Variants in KCNQ5 observed in about 807,000 individuals in gnomAD.
The protein encoded by KCNQ5 is potassium voltage-gated channel subfamily Q member 5.
KCNQ5 carries 30 observed loss-of-function variants against 98.2 expected under a neutral mutation model. That is an observed-to-expected ratio of 0.31 (90% CI 0.23 to 0.41). The LOEUF (loss-of-function observed/expected upper bound fraction) is 0.41, where lower values mean the gene tolerates loss of function less well. Among genes scored for constraint, KCNQ5 ranks in the 10% least tolerant of loss-of-function variants. The pLI is 1.00. For synonymous variants in KCNQ5, 458 were observed against 449.4 expected (o/e 1.02, Z -0.24); for missense variants, 835 against 1,182.5 (o/e 0.71, Z 4.31).
intron 1 of KCNQ5, among the ~76,000 whole-genome samples, chr6:73,001,389 A>G (rs1007033706): frequency 1.3e-5 from 2 of 152,216 alleles, no homozygotes; most frequent in Non-Finnish European, 2.9e-5. Flanking sequence ...TTGAGTACCC[A>G]TTGTAGAAGG....
At chr6:72,921,139 AT>A (rs1316694996) in intron 1 of KCNQ5, among the ~76,000 whole-genome samples, 2 of 152,166 alleles carry the variant, frequency 1.3e-5, no homozygotes, top group Non-Finnish European at 2.9e-5. Context: ...CAAGTTCCAT[AT>A]TAAGATTGAT....
intron 1 of KCNQ5, among the ~76,000 whole-genome samples, chr6:72,920,202 G>A (rs2150216009): frequency 6.6e-6 from 1 of 152,212 alleles, no homozygotes; most frequent in East Asian, 1.9e-4. Flanking sequence ...GCTGAGGCAG[G>A]GGATTCACTT....
Position 72,706,724 on chromosome 6 carries a change from A to G in KCNQ5, c.398+84137A>G, listed in dbSNP as rs538663144. Among the ~76,000 whole-genome samples the G allele has an allele frequency of 5.3e-5, 8 of 152,274 alleles. No homozygotes were observed. In the East Asian group the frequency reaches 1.5e-3, roughly 29 times the overall value. On this transcript the variant is annotated intron_variant, in intron 1 of 13. Coordinates refer to ENST00000370398, the MANE Select transcript of KCNQ5 (RefSeq NM_019842.4). ...AAGGTGCCTTCTACATATCTGAATG[A>G]AAACAAAAGCATAATTTAACCGAAA...
intron 2 of KCNQ5, among the ~76,000 whole-genome samples, chr6:73,025,623 CAAAA>C (rs58607159): frequency 1.1e-3 from 58 of 52,980 alleles, no homozygotes; most frequent in African/African-American, 2.1e-3. Context: ...AACTCCATCT[CAAAA>C]AAAAAAAAAA....
chr6:72,940,545 G>A (rs1043806617), intron 1 of KCNQ5, among the ~76,000 whole-genome samples: 3 of 152,142 alleles, frequency 2.0e-5, no homozygotes, highest in Non-Finnish European at 4.4e-5. Flanking sequence ...TAGGATTCTG[G>A]GATGCTACCA....
rs560316610 is a variant in KCNQ5, at chr6:72,752,026, T to G, written c.398+129439T>G. On this transcript the variant is annotated intron_variant, in intron 1 of 13. Coordinates refer to ENST00000370398, the MANE Select transcript of KCNQ5 (RefSeq NM_019842.4). ...TTGTTTGGGGTTTGGATTTGGTTTT[T>G]GCTATACTACCATACATTGCTTCAC... Among the ~76,000 whole-genome samples, 13 of 152,214 alleles carry G rather than the reference T, an allele frequency of 8.5e-5. No individual in the cohort carries two copies. The South Asian group carries it at 2.7e-3, about 32-fold the overall frequency.
rs183761820 is a variant in KCNQ5 at position 73,068,291 on chromosome 6, C to T, written c.617-9031C>T. 3.6e-4 allele frequency among the ~76,000 whole-genome samples: 54 copies of T among 152,076 alleles called. No homozygotes were observed. The East Asian group carries it at 6.0e-3, about 17-fold the overall frequency. The stretch of plus-strand genomic sequence containing the variant: ...AGCCTGGGCAAAAAGAGGGAAACTC[C>T]GTCTCAAAAAATAATAATAATAATA... On this transcript the variant is annotated intron_variant, in intron 3 of 13. Coordinates refer to ENST00000370398, the MANE Select transcript of KCNQ5 (RefSeq NM_019842.4).
At chr6:72,750,617 A>G (rs906712479) in intron 1 of KCNQ5, among the ~76,000 whole-genome samples, 2 of 152,182 alleles carry the variant, frequency 1.3e-5, no homozygotes, top group Admixed American at 1.3e-4. Flanking sequence ...AGGTGACAAT[A>G]CTAACATTTC....
chr6:73,061,333 C>T lies in KCNQ5; in HGVS notation c.617-15989C>T, dbSNP rs955615986. ...AACGGGTAGGAGTAAGATTTTTCAG[C>T]ATTTACCTTTTTATGTCATTTTAAT... is the stretch of plus-strand genomic sequence containing the variant. On this transcript the variant is annotated intron_variant, in intron 3 of 13. Coordinates refer to ENST00000370398, the MANE Select transcript of KCNQ5 (RefSeq NM_019842.4). 5.9e-5 allele frequency among the ~76,000 whole-genome samples: 9 copies of T among 151,804 alleles called. No individual in the cohort carries two copies. The East Asian group carries it at 1.7e-3, about 29-fold the overall frequency.
chr6:73,087,422 G>A (rs76767244), intron 5 of KCNQ5, among the ~76,000 whole-genome samples: 1,452 of 138,620 alleles, frequency 0.01, 11 homozygotes, highest in Non-Finnish European at 0.016. Context: ...AGAAATAAGA[G>A]TTCTGTTTTA....
intron 1 of KCNQ5, among the ~76,000 whole-genome samples, chr6:72,624,089 C>T (rs1467085771): frequency 6.6e-6 from 1 of 152,146 alleles, no homozygotes; most frequent in Non-Finnish European, 1.5e-5. Flanking sequence ...TTACAATGCA[C>T]ACAAGGAGAA....
chr6:73,055,410 G>C (rs1772437711), intron 3 of KCNQ5: 1 of 1,518,440 alleles, frequency 6.6e-7, no homozygotes, highest in Non-Finnish European at 9.1e-7. Context: ...GCAAAACATA[G>C]TGAAGCCCAG....
At chr6:72,666,195 CA>C (rs1196391586) in intron 1 of KCNQ5, among the ~76,000 whole-genome samples, 1 of 146,382 alleles carries the variant, frequency 6.8e-6, no homozygotes, top group Non-Finnish European at 1.5e-5. Flanking sequence ...AAATATCATT[CA>C]TTTTTCAGAG....
Position 72,866,633 on chromosome 6 carries a change from C to T in KCNQ5, c.399-137275C>T, listed in dbSNP as rs568312987. Among the ~76,000 whole-genome samples, 28 of 152,214 alleles carry T rather than the reference C, an allele frequency of 1.8e-4. 1 individual carries two copies. Among genetic ancestry groups the T allele is most frequent in the South Asian group, 4.1e-4 (2 of 4,828 alleles). On this transcript the variant is annotated intron_variant, in intron 1 of 13. Coordinates refer to ENST00000370398, the MANE Select transcript of KCNQ5 (RefSeq NM_019842.4). ...AGCTAAAAGAGATGATACAGTTGTGCGTTTATAGTTAGACACATAGATCTG... is the reference window on the plus strand; with the variant it reads ...AGCTAAAAGAGATGATACAGTTGTGTGTTTATAGTTAGACACATAGATCTG...
At chr6:72,709,966 GA>G (rs553204119) in intron 1 of KCNQ5, among the ~76,000 whole-genome samples, 62 of 152,238 alleles carry the variant, frequency 4.1e-4, no homozygotes, top group Non-Finnish European at 4.1e-4. Flanking sequence ...GGTGGGTGGT[GA>G]TATGAAGAAA....
intron 1 of KCNQ5, among the ~76,000 whole-genome samples, chr6:72,688,289 T>C (rs1191286382): frequency 6.6e-6 from 1 of 152,202 alleles, no homozygotes; most frequent in African/African-American, 2.4e-5. Context: ...CCCAGGTTAC[T>C]AGGTTCTTAA....
rs919671687 is a variant in KCNQ5, at chr6:73,017,865, T to G, written c.489+13867T>G. On this transcript the variant is annotated intron_variant, in intron 2 of 13. Coordinates refer to ENST00000370398, the MANE Select transcript of KCNQ5 (RefSeq NM_019842.4). Reference sequence around the variant, plus strand: ...CTGCAGAAGAGTCTTAACAAAGAAATGGAAACTCCAGACCAAAACAGCTCT... The same window carrying G: ...CTGCAGAAGAGTCTTAACAAAGAAAGGGAAACTCCAGACCAAAACAGCTCT... Among the ~76,000 whole-genome samples, 6 of 151,684 alleles carry G rather than the reference T, an allele frequency of 4.0e-5. No individual in the cohort carries two copies. The East Asian group carries it at 1.2e-3, about 29-fold the overall frequency.
chr6:73,139,977 A>G (rs1562202320), intron 10 of KCNQ5, among the ~76,000 whole-genome samples: 2 of 151,962 alleles, frequency 1.3e-5, no homozygotes, highest in Non-Finnish European at 2.9e-5. Context: ...CTTCTTAAAG[A>G]TAGTTCATCC....
chr6:73,013,424 A>C (rs1318059683), intron 2 of KCNQ5, among the ~76,000 whole-genome samples: 1 of 152,184 alleles, frequency 6.6e-6, no homozygotes, highest in Non-Finnish European at 1.5e-5. Context: ...TGTGAACTCA[A>C]GAACGTGTAT....
Sources: allele counts gnomAD v4.1 joint callset (sites outside exome capture counted in the v4.1 genomes callset), GRCh38; gene constraint gnomAD v4.1.1; transcripts MANE v1.5; gene names NCBI Gene and HGNC (gene_info 2026-07-23, HGNC 2026-07-21).